The following SLC25A48 variants were observed in gnomAD, a reference collection of about 807,000 sequenced individuals.
SLC25A48 encodes the protein CTC-321K16.1.
Under a neutral mutation model 32.2 loss-of-function variants are expected in SLC25A48, and 29 were observed. The observed-to-expected ratio is 0.90, with a 90% CI of 0.67 to 1.23. The LOEUF (loss-of-function observed/expected upper bound fraction) is 1.23, where lower values mean the gene tolerates loss of function less well. Among genes scored for constraint, SLC25A48 ranks in the 50% most tolerant of loss-of-function variants. The probability of loss-of-function intolerance (pLI) is 0.00; values close to 1 mark genes in which losing one functional copy is unlikely to be tolerated. For synonymous variants in SLC25A48, 164 were observed against 172.3 expected, an observed-to-expected ratio of 0.95 and a Z score of 0.38; for missense variants, 399 against 422.7, an observed-to-expected ratio of 0.94 and a Z score of 0.49.
At chr5:135,867,168 G>A (rs900198824) in intron 4 of SLC25A48, among the ~76,000 whole-genome samples, 4 of 152,096 alleles carry the variant, frequency 2.6e-5, no homozygotes, top group East Asian at 3.9e-4. Flanking sequence ...GGTACACTTC[G>A]CTTGAGAAGG....
chr5:135,689,717 A>G (rs1754100711), intron 3 of SLC25A48, among the ~76,000 whole-genome samples: 1 of 152,226 alleles, frequency 6.6e-6, no homozygotes, highest in African/African-American at 2.4e-5. Context: ...TGAGCTTGAA[A>G]GTGCCTGTCT....
At chr5:135,853,333 C>T (rs573854416) in intron 4 of SLC25A48, among the ~76,000 whole-genome samples, 195 of 152,264 alleles carry the variant, frequency 1.3e-3, no homozygotes, top group African/African-American at 3.5e-3. Flanking sequence ...CTTCCTTTCA[C>T]CAAAGTTTTC....
chr5:135,723,847 T>A (rs960463183), intron 3 of SLC25A48, among the ~76,000 whole-genome samples: 1 of 152,230 alleles, frequency 6.6e-6, no homozygotes, highest in Non-Finnish European at 1.5e-5. Context: ...GTACATCATT[T>A]CCTGGAAGAG....
intron 6 of SLC25A48, among the ~76,000 whole-genome samples, chr5:135,874,462 C>T (rs1761896643): frequency 6.6e-6 from 1 of 152,202 alleles, no homozygotes; most frequent in African/African-American, 2.4e-5. Context: ...CGCATTTTGC[C>T]TTCTCATCAA....
intron 3 of SLC25A48, among the ~76,000 whole-genome samples, chr5:135,705,909 T>A (rs890950493): frequency 1.3e-5 from 2 of 152,148 alleles, no homozygotes; most frequent in Non-Finnish European, 2.9e-5. Flanking sequence ...GCAGAGGCTG[T>A]TCTTGAGGGT....
chr5:135,631,828 A>G lies in SLC25A48; in HGVS notation c.-709+2452A>G, dbSNP rs140786398. On this transcript the variant is annotated intron_variant, in intron 2 of 10. Coordinates refer to the SLC25A48 transcript ENST00000646290. ...CGGAGGACTGCCACATGATTTAAAG[A>G]GTTTCTCAATCCCATCTTTAGTGTA... is the stretch of plus-strand genomic sequence containing the variant. Among the ~76,000 whole-genome samples the G allele has an allele frequency of 2.5e-3, 388 of 152,344 alleles. 2 individuals carry two copies. The highest frequency in any genetic ancestry group is 8.7e-3 in the African/African-American group (361 of 41,576).
In SLC25A48 at chr5:135,698,796, C is replaced by T. The variant is rs929618037; in HGVS notation, c.-521+63840C>T. On this transcript the variant is annotated intron_variant, in intron 3 of 10. Transcript: ENST00000646290. ...GAAATACATATATTTGAAATACATA[C>T]ATCTGATCAAGGAATTATATCCAGA... Among the ~76,000 whole-genome samples, 14 of 152,258 alleles carry T rather than the reference C, an allele frequency of 9.2e-5. No individual in the cohort carries two copies. The East Asian group carries it at 2.7e-3, about 29-fold the overall frequency.
chr5:135,660,319 C>G (rs1753367296), intron 3 of SLC25A48, among the ~76,000 whole-genome samples: 1 of 152,192 alleles, frequency 6.6e-6, no homozygotes. Context: ...TCGATCACCA[C>G]CATAATCCAA....
intron 4 of SLC25A48, among the ~76,000 whole-genome samples, chr5:135,817,788 G>T (rs1009491014): frequency 1.6e-4 from 24 of 152,214 alleles, no homozygotes; most frequent in African/African-American, 5.8e-4. Flanking sequence ...CTTGTATCCA[G>T]CATACACAAA....
At chr5:135,808,743 G>A (rs563740292) in intron 3 of SLC25A48, among the ~76,000 whole-genome samples, 3 of 152,110 alleles carry the variant, frequency 2.0e-5, no homozygotes, top group Non-Finnish European at 4.4e-5. Context: ...ACAAGAACAT[G>A]GAAGGTGCTT....
intron 1 of SLC25A48, among the ~76,000 whole-genome samples, chr5:135,581,691 C>A (rs1042415137): frequency 1.3e-5 from 2 of 152,206 alleles, no homozygotes; most frequent in African/African-American, 2.4e-5. Flanking sequence ...GTCAGACGTC[C>A]CAGTGTTTTG....
intron 2 of SLC25A48, among the ~76,000 whole-genome samples, chr5:135,848,928 G>C (rs985466075): frequency 1.3e-5 from 2 of 152,226 alleles, no homozygotes; most frequent in South Asian, 4.1e-4. Context: ...GAGAGGAGTA[G>C]GGTGAGAGCG....
At chr5:135,643,932 G>C (rs1278300973) in intron 3 of SLC25A48, among the ~76,000 whole-genome samples, 1 of 152,142 alleles carries the variant, frequency 6.6e-6, no homozygotes, top group Non-Finnish European at 1.5e-5. Flanking sequence ...CTTGACCAAG[G>C]CTGCTGCTAG....
chr5:135,853,437 A>G (rs982130864), intron 4 of SLC25A48, among the ~76,000 whole-genome samples: 1 of 152,236 alleles, frequency 6.6e-6, no homozygotes, highest in Non-Finnish European at 1.5e-5. Context: ...ACGCTGCTTT[A>G]TCAGCTAAGT....
rs1402681382 is a variant in SLC25A48 at position 135,876,128 on chromosome 5, C to CTTTT, written c.813+1976_813+1977insTTTT. The CTTTT allele has an allele frequency of 2.8e-3, 135 of 47,830 alleles. 10 individuals carry two copies. The highest frequency in any genetic ancestry group is 5.8e-3 in the East Asian group (5 of 860). 3.0% of individuals were successfully genotyped at this position (47,830 alleles called of 1,614,324 possible). On this transcript the variant is annotated intron_variant, in intron 6 of 7. Transcript: ENST00000681962. ...TTGTCTTTTGTATCTTTTTTTTCTTCTTCTTTTTTTTTTTTTTTTTTTTTT... is the reference window on the plus strand; with the variant it reads ...TTGTCTTTTGTATCTTTTTTTTCTTCTTTTTTCTTTTTTTTTTTTTTTTTTTTTT...
chr5:135,871,885 T>G, intron 5 of SLC25A48, 167 bp downstream of exon 5: 1 of 1,503,430 alleles, frequency 6.7e-7, no homozygotes, highest in Non-Finnish European at 8.9e-7. Flanking sequence ...CTCTCCCACC[T>G]CAGTCTCATC....
At chr5:135,842,392 T>C (rs6596269) in intron 1 of SLC25A48, 24 bp from the exon 2 acceptor site, 311,473 of 1,607,266 alleles carry the variant, frequency 0.19, 32,113 homozygotes, top group Middle Eastern at 0.22. Flanking sequence ...GCTGAGTTAC[T>C]AGGCATTCTT....
chr5:135,701,578 C>G (rs1224941538), intron 3 of SLC25A48, among the ~76,000 whole-genome samples: 3 of 152,036 alleles, frequency 2.0e-5, no homozygotes, highest in African/African-American at 4.8e-5. Flanking sequence ...CTTTAAGGTA[C>G]ACAATAAAGG....
intron 3 of SLC25A48, among the ~76,000 whole-genome samples, chr5:135,777,322 C>T (rs889456349): frequency 1.0e-3 from 155 of 151,784 alleles, no homozygotes; most frequent in South Asian, 2.9e-3. Context: ...CCCCACCCCC[C>T]AATATTGTTC....
Sources: gnomAD v4.1 joint callset for allele counts (sites outside exome capture counted in the v4.1 genomes callset) on GRCh38, gnomAD v4.1.1 for gene constraint, MANE v1.5 for transcripts, NCBI Gene and HGNC (gene_info 2026-07-23, HGNC 2026-07-21) for gene names.